Variants in STXBP2 observed in about 807,000 individuals in gnomAD.
The protein encoded by STXBP2 is syntaxin binding protein 2, also known as syntaxin-binding protein 2.
In STXBP2, 47 loss-of-function variants were observed where a neutral mutation model predicts 72.2. That is an observed-to-expected ratio of 0.65 (90% confidence interval 0.51 to 0.83). The LOEUF is 0.83. Among genes scored for constraint, STXBP2 ranks in the 40% least tolerant of loss-of-function variants. STXBP2 has a pLI of 0.00. For missense variants in STXBP2, 702 were observed against 807.6 expected, an observed-to-expected ratio of 0.87 and a Z score of 1.58; for synonymous variants, 367 against 338.7, an observed-to-expected ratio of 1.08 and a Z score of -0.92.
chr19:7,631,972 G>T, upstream of STXBP2: 2 of 703,498 alleles, frequency 2.8e-6, no homozygotes, highest in Middle Eastern at 4.3e-4. Flanking sequence ...GCATTTGAGT[G>T]TGAGGTGGCA....
Position 7,640,814 on chromosome 19 carries a change from G to A in STXBP2, c.325+5G>A. The A allele has an allele frequency of 6.2e-7, 1 of 1,614,172 alleles. No homozygotes were observed. The highest frequency in any genetic ancestry group is 8.5e-7 in the Non-Finnish European group (1 of 1,179,992). On this transcript the variant is annotated splice_donor_5th_base_variant and intron_variant, in intron 5 of 18. Coordinates refer to ENST00000221283, the MANE Select transcript of STXBP2 (RefSeq NM_006949.4). ...CCCATATCTTCTTCACCGACAGTGA[G>A]TGAGGAGAGCCTAGGGTGTTGGTGG...
In STXBP2 at chr19:7,642,265, A is replaced by G; in HGVS notation, c.726A>G (p.Pro242=). Residue 242 remains proline (P), a synonymous_variant, in exon 9 of 19, where the codon CCA becomes CCG. Transcript: ENST00000221283. The surrounding 1 kb of genome is among the most constrained non-coding windows in gnomAD (Gnocchi z 6.0). The part of the protein sequence containing the change: ...IMDRAADPVS[P]LLHELTFQAM... ...ACCGGGCAGCTGACCCCGTGTCCCC[A>G]CTACTGCATGAGCTCACGTTCCAGG... is the stretch of plus-strand genomic sequence containing the variant. The G allele has an allele frequency of 1.2e-6, 2 of 1,614,072 alleles. No homozygotes were observed. Among genetic ancestry groups the G allele is most frequent in the South Asian group, 1.1e-5 (1 of 91,080 alleles).
rs1299121155 is a variant in STXBP2, at chr19:7,644,624, T to C, written c.1118T>C (p.Met373Thr). 6.2e-7 allele frequency: 1 copy of C among 1,612,774 alleles called. No individual in the cohort carries two copies. The highest frequency in any genetic ancestry group is 1.3e-5 in the African/African-American group (1 of 74,998). Residue 373 changes from methionine (M) to threonine (T), a missense_variant, in exon 14 of 19, where the codon ATG becomes ACG. Physicochemically the swap from Met to Thr is moderately conservative, Grantham distance 81. Coordinates refer to ENST00000221283, the MANE Select transcript of STXBP2 (RefSeq NM_006949.4). ...KLCSVEQDLA[M>T]GSDAEGEKIK... ...ACCCCATGCCCGCAGGACCTGGCCA[T>C]GGGCTCCGACGCAGAGGGGGAGAAG...
At chr19:7,644,504 A>G (rs2032047579) in intron 13 of STXBP2, 110 bp from the exon 14 acceptor site, 3 of 1,470,266 alleles carry the variant, frequency 2.0e-6, no homozygotes, top group South Asian at 2.4e-5. Context: ...GAGATGAGGT[A>G]GGACCCAAAT....
intron 16 of STXBP2, 105 bp downstream of exon 16, chr19:7,646,449 C>A: frequency 9.5e-7 from 1 of 1,056,392 alleles, no homozygotes; most frequent in South Asian, 1.4e-5. Flanking sequence ...GGAAAATGCT[C>A]ATTGCTGGCA....
At chr19:7,639,862 G>A (rs929668088) in intron 4 of STXBP2, 55 bp downstream of exon 4, 2 of 1,532,586 alleles carry the variant, frequency 1.3e-6, no homozygotes, top group Non-Finnish European at 9.0e-7. Context: ...ACATGTGCAT[G>A]TGTGTGTATG....
chr19:7,630,571 A>C, the STXBP2 span: 3 of 1,536,248 alleles, frequency 2.0e-6, no homozygotes, highest in Non-Finnish European at 2.6e-6. Flanking sequence ...CTGCCATTCC[A>C]GATGATAATC....
chr19:7,632,876 C>G, upstream of STXBP2: 1 of 1,533,240 alleles, frequency 6.5e-7, no homozygotes, highest in Non-Finnish European at 8.8e-7. The surrounding 1 kb of genome is among the most constrained non-coding windows in gnomAD (Gnocchi z 5.2). Flanking sequence ...AGCTTGGGGG[C>G]CCCTCCCCAA....
At chr19:7,632,177 C>T, upstream of STXBP2, 1 of 734,736 alleles carries the variant, frequency 1.4e-6, no homozygotes, top group Non-Finnish European at 2.2e-6. The surrounding 1 kb of genome is among the most constrained non-coding windows in gnomAD (Gnocchi z 5.2). Flanking sequence ...GGGGCAGGAG[C>T]CACAAGTTCC....
At position 7,647,501 on chromosome 19, in the gene STXBP2, G is replaced by C; in HGVS notation, c.1686G>C (p.Glu562Asp). 6.3e-7 allele frequency: 1 copy of C among 1,597,152 alleles called. No individual in the cohort carries two copies. The highest frequency in any genetic ancestry group is 8.5e-7 in the Non-Finnish European group (1 of 1,171,326). Residue 562 changes from glutamate (E) to aspartate (D), a missense_variant, in exon 18 of 19, where the codon GAG (glutamate) becomes GAC (aspartate). Transcript: ENST00000221283. Reference protein sequence around the residue: ...EVTRATEGKWEVLIGSSHILT... With the variant: ...EVTRATEGKWDVLIGSSHILT... ...CCAGGGCCACCGAGGGCAAGTGGGA[G>C]GTGCTCATTGGTAAGTCACCAGGAC...
chr19:7,647,664 G>T, intron 18 of STXBP2, 61 bp from the exon 19 acceptor site: 1 of 1,605,684 alleles, frequency 6.2e-7, no homozygotes, highest in Non-Finnish European at 8.5e-7. Context: ...GGGACCGGGA[G>T]CCTGTCAAAG....
At chr19:7,636,809 T>C, upstream of STXBP2, 1 of 279,496 alleles carries the variant, frequency 3.6e-6, no homozygotes, top group Admixed American at 5.3e-5. Context: ...GCCGTGTATC[T>C]TGCAGGCACA....
chr19:7,632,774 G>T (rs1568459184), upstream of STXBP2: 1 of 1,567,994 alleles, frequency 6.4e-7, no homozygotes. The surrounding 1 kb of genome is among the most constrained non-coding windows in gnomAD (Gnocchi z 5.2). Context: ...CCTCCATCCG[G>T]TCGCCCTGCA....
intron 6 of STXBP2, among the ~76,000 whole-genome samples, chr19:7,641,403 G>T (rs1408910495): frequency 1.3e-5 from 2 of 152,100 alleles, no homozygotes; most frequent in Non-Finnish European, 2.9e-5. Flanking sequence ...TTAAAAAGGG[G>T]AGGTACCCAC....
chr19:7,641,647 C>T (rs1284317917), intron 6 of STXBP2, 58 bp from the exon 7 acceptor site: 16 of 1,548,018 alleles, frequency 1.0e-5, no homozygotes, highest in South Asian at 6.0e-5. Context: ...CAGCGGGAAG[C>T]GGGGCAGGTG....
In STXBP2 at chr19:7,647,046, G is replaced by A. The variant is rs566414781; in HGVS notation, c.1453-116G>A. The A allele has an allele frequency of 5.2e-5, 54 of 1,042,304 alleles. No homozygotes were observed. In the East Asian group the frequency reaches 1.1e-3, roughly 21 times the overall value. 64.6% of individuals were successfully genotyped at this position (1,042,304 alleles called of 1,614,324 possible). ...CCTGGGTCCCCCAGAGGCAGGAGGT[G>A]GAGATGCTGGTTCCTGTCTGCCAGG... On this transcript the variant is annotated intron_variant, in intron 16 of 18. Coordinates refer to ENST00000221283, the MANE Select transcript of STXBP2 (RefSeq NM_006949.4).
At chr19:7,634,500 T>C (rs74425482), upstream of STXBP2, among the ~76,000 whole-genome samples, 20 of 152,344 alleles carry the variant, frequency 1.3e-4, no homozygotes, top group East Asian at 3.3e-3. Context: ...CAAAGTGTCA[T>C]AGACCAGATG....
At chr19:7,629,934 G>A in the STXBP2 span, 1 of 1,432,342 alleles carries the variant, frequency 7.0e-7, no homozygotes, top group African/African-American at 1.4e-5. Context: ...GTTGGAAATG[G>A]GGGGACTTCA....
Position 7,642,939 on chromosome 19 carries a change from G to T in STXBP2, c.961-44G>T. The T allele has an allele frequency of 6.2e-7, 1 of 1,613,628 alleles. No homozygotes were observed. Among genetic ancestry groups the T allele is most frequent in the Non-Finnish European group, 8.5e-7 (1 of 1,179,550 alleles). ...ACTGAGACCCAGGTGGGCACTGCCTGGCTTCGCCCCCCAATCCCTACCCTC... is the reference window on the plus strand; with the variant it reads ...ACTGAGACCCAGGTGGGCACTGCCTTGCTTCGCCCCCCAATCCCTACCCTC... On this transcript the variant is annotated intron_variant, in intron 11 of 18. Transcript: ENST00000221283. This position sits in a 1 kb window ranked among gnomAD's most constrained non-coding sequence, Gnocchi z 6.0.
Sources: gnomAD v4.1 joint callset for allele counts (sites outside exome capture counted in the v4.1 genomes callset) on GRCh38, gnomAD v4.1.1 for gene constraint, Gnocchi (gnomAD v3.1) non-coding constraint, MANE v1.5 for transcripts, NCBI Gene and HGNC (gene_info 2026-07-23, HGNC 2026-07-21) for gene names.